STXBP5L: variants seen among roughly 807,000 people sequenced by gnomAD.
STXBP5L encodes the protein syntaxin-binding protein 5-like.
A neutral mutation model predicts 144.5 loss-of-function variants in STXBP5L; 65 were observed. The ratio of observed to expected loss-of-function variants is 0.45; its 90% confidence interval spans 0.37 to 0.55. The LOEUF is 0.55. Ranked by LOEUF, STXBP5L falls within the 20% of genes least tolerant of loss-of-function variation. The probability of loss-of-function intolerance (pLI) is 0.00; values close to 1 mark genes in which losing one functional copy is unlikely to be tolerated. For missense variants in STXBP5L, 1,298 were observed against 1,405.5 expected, an observed-to-expected ratio of 0.92 and a Z score of 1.22; for synonymous variants, 505 against 469.6, an observed-to-expected ratio of 1.08 and a Z score of -0.97.
chr3:121,080,561 A>G (rs746705880), intron 5 of STXBP5L, among the ~76,000 whole-genome samples: 19 of 152,150 alleles, frequency 1.2e-4, no homozygotes, highest in Non-Finnish European at 2.4e-4. Flanking sequence ...AAAAGACTTT[A>G]TCTCTCCTTC....
intron 13 of STXBP5L, among the ~76,000 whole-genome samples, chr3:121,239,777 G>A (rs529904822): frequency 2.0e-5 from 3 of 151,282 alleles, no homozygotes; most frequent in Non-Finnish European, 4.4e-5. Flanking sequence ...GTTAGTGGGT[G>A]CAGCGCACCA....
chr3:120,963,886 T>C (rs1202862774), intron 3 of STXBP5L, among the ~76,000 whole-genome samples: 1 of 152,238 alleles, frequency 6.6e-6, no homozygotes, highest in Non-Finnish European at 1.5e-5. Flanking sequence ...TATTCTGCTT[T>C]GAATCCGTCT....
chr3:121,027,845 C>A (rs1300015280), intron 3 of STXBP5L, among the ~76,000 whole-genome samples: 1 of 152,066 alleles, frequency 6.6e-6, no homozygotes, highest in Non-Finnish European at 1.5e-5. Context: ...GTGCATTATT[C>A]TACCTACTAC....
At chr3:121,163,713 A>T (rs2046402591) in intron 9 of STXBP5L, among the ~76,000 whole-genome samples, 1 of 152,184 alleles carries the variant, frequency 6.6e-6, no homozygotes. Flanking sequence ...GGCAGTTTGG[A>T]AGGTTTGATG....
intron 3 of STXBP5L, among the ~76,000 whole-genome samples, chr3:120,981,631 C>T (rs564541137): frequency 6.6e-6 from 1 of 152,228 alleles, no homozygotes; most frequent in East Asian, 1.9e-4. Flanking sequence ...TCTCTTGGAT[C>T]TTATTGAGCT....
At chr3:121,372,442 C>T (rs559978933) in intron 20 of STXBP5L, among the ~76,000 whole-genome samples, 1 of 152,170 alleles carries the variant, frequency 6.6e-6, no homozygotes, top group East Asian at 1.9e-4. Flanking sequence ...TTCCTTAATG[C>T]TTCTCTCTTC....
At chr3:121,052,706 C>T (rs11715413) in intron 5 of STXBP5L, among the ~76,000 whole-genome samples, 72,063 of 151,800 alleles carry the variant, frequency 0.47, 17,640 homozygotes, top group East Asian at 0.73. Context: ...TGCCCTCTCT[C>T]ACCACTCCTA....
intron 18 of STXBP5L, among the ~76,000 whole-genome samples, chr3:121,264,032 A>AAGGAAAAC (rs2050471998): frequency 6.6e-6 from 1 of 152,194 alleles, no homozygotes; most frequent in Non-Finnish European, 1.5e-5. Context: ...GGTTGAAATG[A>AAGGAAAAC]AGGAAAACAT....
At chr3:121,304,526 G>A (rs1273894325) in intron 19 of STXBP5L, among the ~76,000 whole-genome samples, 1 of 152,012 alleles carries the variant, frequency 6.6e-6, no homozygotes, top group Non-Finnish European at 1.5e-5. Context: ...GTGTTCTCTG[G>A]CCACAAAAGG....
intron 3 of STXBP5L, among the ~76,000 whole-genome samples, chr3:120,961,390 A>G (rs1938797189): frequency 6.6e-6 from 1 of 151,782 alleles, no homozygotes; most frequent in Non-Finnish European, 1.5e-5. Flanking sequence ...CATCATTTAC[A>G]TTAGGTATTT....
chr3:121,068,539 C>G (rs539675612), intron 5 of STXBP5L, among the ~76,000 whole-genome samples: 12 of 151,940 alleles, frequency 7.9e-5, no homozygotes, highest in Admixed American at 5.2e-4. Context: ...AACATGAATC[C>G]TTCACTTATT....
At chr3:121,392,695 C>A (rs2046620220) in intron 22 of STXBP5L, among the ~76,000 whole-genome samples, 1 of 150,656 alleles carries the variant, frequency 6.6e-6, no homozygotes, top group Non-Finnish European at 1.5e-5. Context: ...CCTTGTCATT[C>A]ACTTAATAAG....
At chr3:121,026,578 A>G (rs760291998) in intron 3 of STXBP5L, among the ~76,000 whole-genome samples, 2 of 152,142 alleles carry the variant, frequency 1.3e-5, no homozygotes, top group Non-Finnish European at 2.9e-5. Flanking sequence ...GTAATTTATG[A>G]CCTTAGCTAA....
chr3:121,213,664 T>G (rs1311612547), intron 10 of STXBP5L, among the ~76,000 whole-genome samples: 2 of 115,862 alleles, frequency 1.7e-5, no homozygotes, highest in Non-Finnish European at 3.9e-5. Flanking sequence ...GATATTGGCC[T>G]GAAATTTTGT....
intron 7 of STXBP5L, among the ~76,000 whole-genome samples, chr3:121,135,917 CG>C (rs1462704462): frequency 2.0e-5 from 3 of 152,146 alleles, no homozygotes; most frequent in Admixed American, 1.3e-4. Flanking sequence ...CAGTGGCAGG[CG>C]GGCTGTAGCT....
intron 2 of STXBP5L, among the ~76,000 whole-genome samples, chr3:120,932,775 T>C (rs570257273): frequency 3.3e-4 from 50 of 152,034 alleles, no homozygotes; most frequent in Non-Finnish European, 5.9e-4. Context: ...CTATTCACAA[T>C]AGCAAAGACT....
At chr3:121,171,267 G>T (rs2046704876) in intron 9 of STXBP5L, among the ~76,000 whole-genome samples, 1 of 152,116 alleles carries the variant, frequency 6.6e-6, no homozygotes, top group African/African-American at 2.4e-5. Context: ...ATGGGCAAAA[G>T]CTGTAAGCAT....
chr3:120,985,742 A>G (rs1170689986), intron 3 of STXBP5L, among the ~76,000 whole-genome samples: 1 of 151,550 alleles, frequency 6.6e-6, no homozygotes, highest in African/African-American at 2.4e-5. Flanking sequence ...CATCCTTTTT[A>G]TTTCTGTATA....
intron 8 of STXBP5L, among the ~76,000 whole-genome samples, chr3:121,155,582 G>A (rs200035021): frequency 2.6e-5 from 4 of 151,710 alleles, no homozygotes; most frequent in Admixed American, 1.3e-4. Context: ...ATTCTTTTTG[G>A]ATTAGTTGTA....
Sources: allele counts gnomAD v4.1 joint callset (sites outside exome capture counted in the v4.1 genomes callset), GRCh38; gene constraint gnomAD v4.1.1; transcripts MANE v1.5; gene names NCBI Gene and HGNC (gene_info 2026-07-23, HGNC 2026-07-21).